Variants in FGF13 observed in about 807,000 individuals in gnomAD.
FGF13 encodes the protein fibroblast growth factor 13, also known as fibroblast growth factor homologous factor 2.
In FGF13, 2 loss-of-function variants were observed where a neutral mutation model predicts 19.5. The ratio of observed to expected loss-of-function variants is 0.10; its 90% CI spans 0.04 to 0.32. The LOEUF (loss-of-function observed/expected upper bound fraction) is 0.32. Ranked by LOEUF, FGF13 falls within the 10% of genes least tolerant of loss-of-function variation. FGF13 has a pLI of 1.00. For synonymous variants in FGF13, 72 were observed against 76.9 expected, an observed-to-expected ratio of 0.94 and a Z score of 0.33; for missense variants, 113 against 192.7, an observed-to-expected ratio of 0.59 and a Z score of 2.45.
At chrX:138,765,667 T>C (rs1241328746) in intron 3 of FGF13, among the ~76,000 whole-genome samples, 1 of 111,891 alleles carries the variant, frequency 8.9e-6, no homozygotes, top group African/African-American at 3.3e-5. Context: ...GGCCTTGGGT[T>C]TGAATCACCA....
intron 1 of FGF13, among the ~76,000 whole-genome samples, chrX:139,192,862 G>C (rs1265696244): frequency 9.0e-6 from 1 of 111,620 alleles, no homozygotes; most frequent in Non-Finnish European, 1.9e-5. Context: ...CCACGAACAT[G>C]AAACAGAGTG....
Position 138,617,657 on chromosome X carries a change from T to C in FGF13, c.*15193A>G, listed in dbSNP as rs982439829. On this transcript the variant is annotated 3_prime_UTR_variant, in exon 5 of 5. Transcript: ENST00000315930. The stretch of plus-strand genomic sequence containing the variant: ...AGAGAAAAAGAGAGTGAGAAGGGGA[T>C]AGCTGGGCACAGTGACTCACAATTG... The C allele has an allele frequency of 3.6e-5, 4 of 110,650 alleles. No individual in the cohort carries two copies. Among genetic ancestry groups the C allele is most frequent in the African/African-American group, 1.3e-4 (4 of 30,432 alleles). 9.1% of individuals were successfully genotyped at this position (110,650 alleles called of 1,213,427 possible). A position where few individuals can be genotyped will look rare whatever the true frequency, so the allele number is the denominator to read the frequency against.
chrX:138,640,337 T>C (rs2089235590), intron 3 of FGF13, among the ~76,000 whole-genome samples: 1 of 112,068 alleles, frequency 8.9e-6, no homozygotes, highest in African/African-American at 3.2e-5. Context: ...GTGCAACCAG[T>C]TATGTTGAAT....
At chrX:138,851,068 C>A (rs998616650) in intron 3 of FGF13, among the ~76,000 whole-genome samples, 6 of 111,703 alleles carry the variant, frequency 5.4e-5, no homozygotes, top group Non-Finnish European at 9.4e-5. Context: ...AGGACATGAT[C>A]TCGTTCCTTT....
At chrX:138,836,179 T>C (rs900684132) in intron 3 of FGF13, among the ~76,000 whole-genome samples, 28 of 111,316 alleles carry the variant, frequency 2.5e-4, no homozygotes, top group Non-Finnish European at 1.9e-5. Flanking sequence ...GATCTTATCG[T>C]AGAGTATCTT....
intron 1 of FGF13, among the ~76,000 whole-genome samples, chrX:139,141,219 G>T (rs1269754809): frequency 1.8e-5 from 2 of 110,066 alleles, no homozygotes; most frequent in Admixed American, 9.7e-5. Context: ...CTACTTGTTG[G>T]TTTCTTTACT....
chrX:138,859,316 T>G (rs2091276141), intron 2 of FGF13, among the ~76,000 whole-genome samples: 1 of 111,676 alleles, frequency 9.0e-6, no homozygotes, highest in Non-Finnish European at 1.9e-5. Context: ...CCAAAATATT[T>G]AAATAAAACT....
intron 3 of FGF13, among the ~76,000 whole-genome samples, chrX:138,819,265 A>G (rs1187541783): frequency 9.0e-6 from 1 of 111,066 alleles, no homozygotes. Context: ...TTAGGACAAG[A>G]TATCAATTAT....
chrX:138,867,345 C>G (rs769247199), intron 1 of FGF13, among the ~76,000 whole-genome samples: 3 of 111,112 alleles, frequency 2.7e-5, no homozygotes, highest in Non-Finnish European at 5.7e-5. Flanking sequence ...CTTGAGCCCA[C>G]GAGTTCGAGG....
intron 3 of FGF13, among the ~76,000 whole-genome samples, chrX:138,826,600 A>G (rs1169581087): frequency 8.9e-6 from 1 of 112,274 alleles, no homozygotes; most frequent in African/African-American, 3.2e-5. Context: ...GAAACAGAAA[A>G]TCAGATCCTA....
rs1472391002 is a variant in FGF13, at chrX:139,003,015, G to A, written c.-112-138365C>T. 6.2e-5 allele frequency among the ~76,000 whole-genome samples: 7 copies of A among 112,366 alleles called. No individual in the cohort carries two copies. In the Admixed American group the frequency reaches 6.6e-4, roughly 11 times the overall value. On this transcript the variant is annotated intron_variant, in intron 1 of 2. Coordinates refer to the FGF13 transcript ENST00000421460. ...GAAAAGTGGAGGGACAAGCAAAAGG[G>A]ACTTTGTCTTGCACTTTAGGTACCA...
intron 1 of FGF13, among the ~76,000 whole-genome samples, chrX:138,958,655 CT>C (rs1157505117): frequency 9.0e-6 from 1 of 111,624 alleles, no homozygotes; most frequent in African/African-American, 3.3e-5. Context: ...TGGTCCTGGA[CT>C]TTTTTTAGTT....
chrX:138,755,116 C>T (rs2090423637), intron 3 of FGF13, among the ~76,000 whole-genome samples: 1 of 111,913 alleles, frequency 8.9e-6, no homozygotes, highest in South Asian at 3.7e-4. Flanking sequence ...TTTTACTATA[C>T]ACTCATCACA....
rs771411086 is a variant in FGF13 at position 138,701,938 on chromosome X, ATT to A, written c.402+1044_402+1045del. 2.0e-4 allele frequency among the ~76,000 whole-genome samples: 22 copies of A among 112,639 alleles called. No individual in the cohort carries two copies. In the South Asian group the frequency reaches 8.1e-3, roughly 41 times the overall value. On this transcript the variant is annotated intron_variant, in intron 3 of 4. Transcript: ENST00000315930. ...ACAAGCAATTTTCTCCATTTTAAAC[ATT>A]CTTTTCCTTTATTAAAATACATGAA...
intron 1 of FGF13, among the ~76,000 whole-genome samples, chrX:138,730,631 A>T (rs187211019): frequency 3.9e-4 from 44 of 111,589 alleles, no homozygotes; most frequent in Non-Finnish European, 7.6e-5. Context: ...AAGTTATTTG[A>T]TTCACTCCCA....
At chrX:139,013,681 A>C (rs1388631970) in intron 1 of FGF13, among the ~76,000 whole-genome samples, 1 of 107,605 alleles carries the variant, frequency 9.3e-6, no homozygotes, top group Non-Finnish European at 1.9e-5. Context: ...GAGCTAAGCT[A>C]TGAGGACGCA....
In FGF13 at chrX:138,684,083, G is replaced by T. The variant is rs761264816; in HGVS notation, c.402+18901C>A. 1.5e-3 allele frequency among the ~76,000 whole-genome samples: 162 copies of T among 111,535 alleles called. 1 individual carries two copies. Among genetic ancestry groups the T allele is most frequent in the Middle Eastern group, 4.6e-3 (1 of 217 alleles). ...ACTCAGTACTAAAGAGCACTCATTA[G>T]ATCTATATTCTACATAACCTCATTG... On this transcript the variant is annotated intron_variant, in intron 3 of 4. Coordinates refer to ENST00000315930, the MANE Select transcript of FGF13 (RefSeq NM_004114.5).
intron 3 of FGF13, among the ~76,000 whole-genome samples, chrX:138,817,699 A>G (rs192967501): frequency 5.1e-4 from 57 of 111,874 alleles, no homozygotes; most frequent in African/African-American, 1.8e-3. Context: ...AAAATTTCTG[A>G]TCCTTGTTCA....
chrX:139,062,273 T>G (rs1327120707), intron 1 of FGF13, among the ~76,000 whole-genome samples: 1 of 111,692 alleles, frequency 9.0e-6, no homozygotes, highest in Non-Finnish European at 1.9e-5. Context: ...TTCATTTTTT[T>G]GCATGTGGAT....
Sources: allele counts gnomAD v4.1 joint callset (sites outside exome capture counted in the v4.1 genomes callset), GRCh38; gene constraint gnomAD v4.1.1; transcripts MANE v1.5; gene names NCBI Gene and HGNC (gene_info 2026-07-23, HGNC 2026-07-21).